DEAF1: variants seen among roughly 807,000 people sequenced by gnomAD.
DEAF1 encodes DEAF1 transcription factor, also known as deformed epidermal autoregulatory factor 1 homolog.
Under a neutral mutation model 58.9 loss-of-function variants are expected in DEAF1, and 53 were observed. The ratio of observed to expected loss-of-function variants is 0.90; its 90% CI spans 0.72 to 1.13. The LOEUF (loss-of-function observed/expected upper bound fraction) is 1.13. Among genes scored for constraint, DEAF1 ranks in the 50% most tolerant of loss-of-function variants. The pLI, the probability that DEAF1 is intolerant of heterozygous loss-of-function variation, is 0.00. For missense variants in DEAF1, 685 were observed against 791.4 expected (o/e 0.87, Z 1.61); for synonymous variants, 385 against 340.4 (o/e 1.13, Z -1.44).
At chr11:704,692 T>TGA in intron 1 of DEAF1, 1 of 1,269,274 alleles carries the variant, frequency 7.9e-7, no homozygotes, top group African/African-American at 1.5e-5. Flanking sequence ...AAGGCAGTGG[T>TGA]CACCTGTTCC....
At chr11:683,592 T>C (rs1379358359) in intron 6 of DEAF1, among the ~76,000 whole-genome samples, 4 of 152,214 alleles carry the variant, frequency 2.6e-5, no homozygotes, top group Admixed American at 2.6e-4. Flanking sequence ...GTTTCAAAAC[T>C]GTTTTGGCTT....
At chr11:662,470 T>C (rs968023049) in intron 10 of DEAF1, among the ~76,000 whole-genome samples, 2 of 152,086 alleles carry the variant, frequency 1.3e-5, no homozygotes, top group African/African-American at 2.4e-5. Flanking sequence ...CAGTACTTCC[T>C]ACAGGGCAGG....
intron 10 of DEAF1, among the ~76,000 whole-genome samples, chr11:665,141 CTCTAA>C (rs1859462838): frequency 7.3e-6 from 1 of 136,320 alleles, no homozygotes; most frequent in South Asian, 2.8e-4. Context: ...CACTCGGTCA[CTCTAA>C]GTAAGTCCTG....
intron 11 of DEAF1, among the ~76,000 whole-genome samples, chr11:648,588 CG>C (rs1858610365): frequency 6.6e-6 from 1 of 152,070 alleles, no homozygotes; most frequent in Non-Finnish European, 1.5e-5. Flanking sequence ...TTTAAAAGAA[CG>C]GGATGTGTTC....
chr11:678,888 C>G lies in DEAF1; in HGVS notation c.1127-66G>C. 5.0e-6 allele frequency: 8 copies of G among 1,599,350 alleles called. No homozygotes were observed. The East Asian group carries it at 1.3e-4, about 27-fold the overall frequency. ...TCCGCACAGCAGACTCTAAATATCACGCTGTATGGCTGCGCCATTCAGTAC... is the reference window on the plus strand; with the variant it reads ...TCCGCACAGCAGACTCTAAATATCAGGCTGTATGGCTGCGCCATTCAGTAC... On this transcript the variant is annotated intron_variant, in intron 8 of 11. Coordinates refer to ENST00000382409, the MANE Select transcript of DEAF1 (RefSeq NM_021008.4).
chr11:684,563 G>T (rs1590012799), intron 6 of DEAF1, among the ~76,000 whole-genome samples: 1 of 152,166 alleles, frequency 6.6e-6, no homozygotes, highest in Non-Finnish European at 1.5e-5. Context: ...ACAAAATGAG[G>T]AATATAAAAT....
Position 695,088 on chromosome 11 carries a change from C to A in DEAF1, c.-41G>T, listed in dbSNP as rs1464396660. ...CCTTCCCGAAGGCGCCGTCCGGGAC[C>A]GCCCGAAGCGCCGGTCGCGGAGCCC... On this transcript the variant is annotated 5_prime_UTR_variant, in exon 1 of 12. Coordinates refer to ENST00000382409, the MANE Select transcript of DEAF1 (RefSeq NM_021008.4). 1.4e-6 allele frequency: 2 copies of A among 1,410,960 alleles called. No homozygotes were observed. The highest frequency in any genetic ancestry group is 2.6e-4 in the Middle Eastern group (1 of 3,860). 87.4% of individuals were successfully genotyped at this position (1,410,960 alleles called of 1,614,324 possible).
At chr11:703,068 G>A (rs1407959265) in intron 1 of DEAF1, 6 of 1,612,622 alleles carry the variant, frequency 3.7e-6, no homozygotes, top group Non-Finnish European at 4.2e-6. Context: ...TGGGCGGACT[G>A]GGCCCTCAGC....
At position 681,032 on chromosome 11, in the gene DEAF1, G is replaced by A. The variant is rs1160236333; in HGVS notation, c.928C>T (p.Pro310Ser). ...YKRRKKENEL[P>S]TTPVKKDSPK... Reference sequence around the variant, plus strand: ...GAGTCCTTCTTCACGGGAGTTGTGGGCAGTTCATTCTCCTTCTTGCGCCTT... The same window carrying A: ...GAGTCCTTCTTCACGGGAGTTGTGGACAGTTCATTCTCCTTCTTGCGCCTT... Residue 310 changes from proline (P) to serine (S), a missense_variant, in exon 7 of 12, where the codon CCC (proline) becomes TCC (serine). Around this residue, in one of 3 missense-constraint regions of DEAF1, gnomAD observed 343 missense variants for 379.8 expected, o/e 0.90. Coordinates refer to ENST00000382409, the MANE Select transcript of DEAF1 (RefSeq NM_021008.4). 1 of 1,614,132 alleles carries A rather than the reference G, an allele frequency of 6.2e-7. No individual in the cohort carries two copies. Among genetic ancestry groups the A allele is most frequent in the East Asian group, 2.2e-5 (1 of 44,888 alleles).
upstream of DEAF1, chr11:700,156 C>T (rs374297237): frequency 2.4e-5 from 39 of 1,614,014 alleles, no homozygotes; most frequent in Admixed American, 5.0e-5. Context: ...CTTCAGTTCC[C>T]CTTCAAATGC....
At chr11:676,423 TCCAC>T (rs1860084024) in intron 9 of DEAF1, among the ~76,000 whole-genome samples, 1 of 148,416 alleles carries the variant, frequency 6.7e-6, no homozygotes, top group Admixed American at 6.8e-5. Context: ...CCCTTCCTGC[TCCAC>T]CCACCCAGCT....
intron 1 of DEAF1, 93 bp downstream of exon 1, chr11:694,666 G>A (rs1041722067): frequency 2.8e-5 from 33 of 1,175,892 alleles, no homozygotes; most frequent in Non-Finnish European, 3.1e-5. Context: ...GACAGGTGTG[G>A]CGGGCTGGTC....
intron 10 of DEAF1, among the ~76,000 whole-genome samples, chr11:672,241 G>C (rs1564938239): frequency 6.6e-6 from 1 of 152,228 alleles, no homozygotes; most frequent in South Asian, 2.1e-4. Flanking sequence ...ATACGACCTG[G>C]GTTGAGAATC....
chr11:647,243 C>T (rs1157727571), intron 11 of DEAF1, among the ~76,000 whole-genome samples: 1 of 152,098 alleles, frequency 6.6e-6, no homozygotes, highest in Non-Finnish European at 1.5e-5. Flanking sequence ...ATCATGAGGT[C>T]AGGAGTTCAA....
At chr11:687,131 A>C in intron 4 of DEAF1, 134 bp from the exon 5 acceptor site, 1 of 1,347,566 alleles carries the variant, frequency 7.4e-7, no homozygotes, top group Non-Finnish European at 1.0e-6. Flanking sequence ...ACCCACCCAC[A>C]TACTTGGCCC....
chr11:660,170 A>C (rs1177404134), intron 10 of DEAF1, among the ~76,000 whole-genome samples: 1 of 152,270 alleles, frequency 6.6e-6, no homozygotes, highest in Non-Finnish European at 1.5e-5. Context: ...AGCAACGGAA[A>C]TAAGAGAAAA....
chr11:702,901 G>T, intron 1 of DEAF1: 1 of 1,550,416 alleles, frequency 6.4e-7, no homozygotes, highest in Admixed American at 1.8e-5. Flanking sequence ...GGGCTCCAGG[G>T]AGCGCCTCGC....
Position 669,113 on chromosome 11 carries a change from C to T in DEAF1, c.1503+5423G>A, listed in dbSNP as rs1386787008. 2.8e-5 allele frequency among the ~76,000 whole-genome samples: 4 copies of T among 144,676 alleles called. No individual in the cohort carries two copies. The Admixed American group carries it at 2.9e-4, about 11-fold the overall frequency. The allele number at this position is 144,676 out of a possible 152,430, so 94.9% of individuals were successfully genotyped here. On this transcript the variant is annotated intron_variant, in intron 10 of 11. Transcript: ENST00000382409. Reference sequence around the variant, plus strand: ...CTGCTGGGATTACAGGCGTAAGCCACTGCACCCGACCCTTTTTTTTTTTTT... The same window carrying T: ...CTGCTGGGATTACAGGCGTAAGCCATTGCACCCGACCCTTTTTTTTTTTTT...
chr11:694,378 G>A (rs1860995827), intron 1 of DEAF1: 2 of 200,080 alleles, frequency 1.0e-5, no homozygotes, highest in South Asian at 7.8e-5. Flanking sequence ...GGTAGGGCAG[G>A]CCGATCACGT....
Sources: gnomAD v4.1 joint callset for allele counts (sites outside exome capture counted in the v4.1 genomes callset) on GRCh38, gnomAD v4.1.1 for gene constraint, gnomAD v4.1.1 regional missense constraint, MANE v1.5 for transcripts, NCBI Gene and HGNC (gene_info 2026-07-23, HGNC 2026-07-21) for gene names.